The following UMODL1 variants were observed in gnomAD, a reference collection of about 807,000 sequenced individuals.
The protein encoded by UMODL1 is uromodulin-like 1.
UMODL1 carries 128 observed loss-of-function variants against 136.3 expected under a neutral mutation model. The observed-to-expected ratio is 0.94, with a 90% confidence interval of 0.81 to 1.09. The LOEUF is 1.09. UMODL1 is among the 50% of genes least tolerant of loss of function. The probability of loss-of-function intolerance (pLI) is 0.00; values close to 1 mark genes in which losing one functional copy is unlikely to be tolerated. For missense variants in UMODL1, 1,766 were observed against 1,725.6 expected (o/e 1.02, Z -0.41); for synonymous variants, 721 against 720.0 (o/e 1.00, Z -0.02).
intron 12 of UMODL1, among the ~76,000 whole-genome samples, chr21:42,113,352 G>A (rs925188503): frequency 6.6e-6 from 1 of 152,086 alleles, no homozygotes; most frequent in African/African-American, 2.4e-5. Flanking sequence ...AAAATCAGAA[G>A]CCATTTGCTA....
rs2066231965 is a variant in UMODL1 at position 42,071,534 on chromosome 21, A to G, written c.76+142A>G. The G allele has an allele frequency of 5.6e-6, 5 of 895,002 alleles. No homozygotes were observed. In the East Asian group the frequency reaches 1.7e-4, roughly 30 times the overall value. 55.4% of individuals were successfully genotyped at this position (895,002 alleles called of 1,614,324 possible). ...AGGCGACATCTGTTCTTTTGTGGAC[A>G]AGCTTTTTGGTAAGCGCACATGGTA... On this transcript the variant is annotated intron_variant, in intron 1 of 22. Coordinates refer to ENST00000408910, the MANE Select transcript of UMODL1 (RefSeq NM_001004416.3).
In UMODL1 at chr21:42,111,314, T is replaced by C. The variant is rs771698890; in HGVS notation, c.1900-192T>C. ...CCAGCGGAGCACCAGCCACGCGAACTCCAGCCAGGGGAGCCCCAGCCAGGG... is the reference window on the plus strand; with the variant it reads ...CCAGCGGAGCACCAGCCACGCGAACCCCAGCCAGGGGAGCCCCAGCCAGGG... On this transcript the variant is annotated intron_variant, in intron 11 of 22. Transcript: ENST00000408910. 64 of 1,319,228 alleles carry C rather than the reference T, an allele frequency of 4.9e-5. No individual in the cohort carries two copies. The African/African-American group carries it at 5.3e-4, about 11-fold the overall frequency. 81.7% of individuals were successfully genotyped at this position (1,319,228 alleles called of 1,614,324 possible). A position where few individuals can be genotyped will look rare whatever the true frequency, so the allele number is the denominator to read the frequency against.
rs145065130 is a variant in UMODL1, at chr21:42,128,757, C to T, written c.3690+926C>T. On this transcript the variant is annotated intron_variant, in intron 20 of 22. Coordinates refer to ENST00000408910, the MANE Select transcript of UMODL1 (RefSeq NM_001004416.3). The stretch of plus-strand genomic sequence containing the variant: ...CGCCAGGCTTCGTCTCTGCAGGGAG[C>T]GGCTGGCTCTCAAGTTCTCTACAAG... Among the ~76,000 whole-genome samples the T allele has an allele frequency of 4.6e-3, 694 of 152,308 alleles. 5 individuals carry two copies. Among genetic ancestry groups the T allele is most frequent in the East Asian group, 8.7e-3 (45 of 5,186 alleles).
In UMODL1 at chr21:42,099,008, G is replaced by T. The variant is rs1259531050; in HGVS notation, c.1014G>T (p.Gln338His). ...FQVSWRLNST[Q>H]NHTFHVRVYR... is the part of the protein sequence containing the mutation. ...TATCCTGGCGTTTAAATTCTACACA[G>T]AACCACACTTTCCATGTCCGGGTTT... Residue 338 changes from glutamine to histidine, a missense_variant, in exon 7 of 23, where the codon CAG (glutamine) becomes CAT (histidine). By Grantham distance (24) the Gln-to-His change is conservative. Transcript: ENST00000408910. The surrounding 1 kb of genome is among the most constrained non-coding windows in gnomAD (Gnocchi z 4.1). 1 of 1,614,074 alleles carries T rather than the reference G, an allele frequency of 6.2e-7. No homozygotes were observed. Among genetic ancestry groups the T allele is most frequent in the Admixed American group, 1.7e-5 (1 of 60,006 alleles).
intron 2 of UMODL1, 131 bp downstream of exon 2, chr21:42,076,378 C>T: frequency 2.8e-6 from 4 of 1,419,494 alleles, no homozygotes; most frequent in Non-Finnish European, 3.8e-6. Context: ...CAGCCTTGAC[C>T]AGGCAGCAGG....
At position 42,098,957 on chromosome 21, in the gene UMODL1, C is replaced by CAA; in HGVS notation, c.964_965dup (p.Asn322LysfsTer14). 1 of 1,614,226 alleles carries CAA rather than the reference C, an allele frequency of 6.2e-7. No homozygotes were observed. The highest frequency in any genetic ancestry group is 8.5e-7 in the Non-Finnish European group (1 of 1,180,036). On this transcript the variant is annotated frameshift_variant, in exon 7 of 23. Coordinates refer to ENST00000408910, the MANE Select transcript of UMODL1 (RefSeq NM_001004416.3). LOFTEE classifies it high-confidence loss of function. Reference sequence around the variant, plus strand: ...CTCCAGTCAGTGACTACGTGGTCCTCAACGTCACCAGTGACAGTTTTCAAG... The same window carrying CAA: ...CTCCAGTCAGTGACTACGTGGTCCTCAAAACGTCACCAGTGACAGTTTTCAAG...
In UMODL1 at chr21:42,104,078, C is replaced by T. The variant is rs764605590; in HGVS notation, c.1510C>T (p.Arg504Cys). The T allele has an allele frequency of 1.2e-5, 19 of 1,610,408 alleles. No individual in the cohort carries two copies. The highest frequency in any genetic ancestry group is 9.3e-5 in the African/African-American group (7 of 75,002). The stretch of plus-strand genomic sequence containing the variant: ...GTTCCAGATTGACCGGCAGGGGACA[C>T]GCGTGCAAGGTATGGCCCAGCCACC... ...TVFQIDRQGT[R>C]VQDWDECVDS... Residue 504 changes from arginine (R) to cysteine (C), a missense_variant, in exon 9 of 23, where the codon CGC becomes TGC. Coordinates refer to ENST00000408910, the MANE Select transcript of UMODL1 (RefSeq NM_001004416.3).
intron 6 of UMODL1, among the ~76,000 whole-genome samples, chr21:42,096,800 A>C (rs2066563599): frequency 6.6e-6 from 1 of 152,198 alleles, no homozygotes; most frequent in South Asian, 2.1e-4. Context: ...TCCTCCACCA[A>C]CGTGGATTAA....
chr21:42,131,836 TCTC>T (rs1262027761), intron 21 of UMODL1, among the ~76,000 whole-genome samples: 2 of 152,202 alleles, frequency 1.3e-5, no homozygotes, highest in African/African-American at 4.8e-5. Context: ...ACAACCTGCT[TCTC>T]CTCACTCTTC....
At chr21:42,077,050 TGTGTG>T in intron 2 of UMODL1, among the ~76,000 whole-genome samples, 1 of 137,970 alleles carries the variant, frequency 7.2e-6, no homozygotes, top group South Asian at 2.2e-4. Context: ...TGTGTGTGTG[TGTGTG>T]TGTGTGTGTG....
intron 21 of UMODL1, among the ~76,000 whole-genome samples, chr21:42,134,544 A>G (rs938953962): frequency 6.6e-6 from 1 of 152,196 alleles, no homozygotes; most frequent in Non-Finnish European, 1.5e-5. Context: ...CTGGAACTCA[A>G]ACCCCTGGAA....
At chr21:42,127,912 C>T in intron 20 of UMODL1, 81 bp downstream of exon 20, 3 of 1,591,814 alleles carry the variant, frequency 1.9e-6, no homozygotes, top group Middle Eastern at 1.7e-4. Flanking sequence ...TTAATAAAAA[C>T]CTAGGGCTCG....
chr21:42,068,122 C>T (rs565349788), upstream of UMODL1, among the ~76,000 whole-genome samples: 17 of 152,192 alleles, frequency 1.1e-4, no homozygotes, highest in African/African-American at 3.4e-4. This position sits in a 1 kb window ranked among gnomAD's most constrained non-coding sequence, Gnocchi z 5.5. Context: ...CGGATGTGGT[C>T]GTTCCAGCAG....
intron 22 of UMODL1, among the ~76,000 whole-genome samples, chr21:42,138,430 T>G (rs1477192984): frequency 6.6e-6 from 1 of 152,040 alleles, no homozygotes; most frequent in Non-Finnish European, 1.5e-5. Context: ...CTGAAGATGC[T>G]TCTCTGATCT....
At chr21:42,113,326 T>A (rs2066860872) in intron 12 of UMODL1, among the ~76,000 whole-genome samples, 1 of 150,974 alleles carries the variant, frequency 6.6e-6, no homozygotes, top group Admixed American at 6.6e-5. Flanking sequence ...ATATGAACCA[T>A]CTGCTGAAAC....
At chr21:42,111,268 C>T (rs1315549873) in intron 11 of UMODL1, 147 bp downstream of exon 11, 2 of 1,418,256 alleles carry the variant, frequency 1.4e-6, no homozygotes, top group Middle Eastern at 2.2e-4. Flanking sequence ...GCCAGGGGAG[C>T]CCCAGCCAGG....
In UMODL1 at chr21:42,137,446, T is replaced by G. The variant is rs780812979; in HGVS notation, c.3783T>G (p.Pro1261=). ...GCCTGTCTCCTCCCCGAGGTGAGCC[T>G]CCTCATGCAGAAGCAGGCCTGGGTG... ...WGPLIRSEGE[P]PHAEAGLGAG... Residue 1261 remains proline (P), a synonymous_variant, in exon 22 of 23, where the codon CCT becomes CCG. Transcript: ENST00000408910. The G allele has an allele frequency of 1.9e-6, 3 of 1,614,188 alleles. No homozygotes were observed. The highest frequency in any genetic ancestry group is 2.5e-6 in the Non-Finnish European group (3 of 1,180,020).
At chr21:42,075,241 TGGG>T in intron 1 of UMODL1, among the ~76,000 whole-genome samples, 1 of 143,024 alleles carries the variant, frequency 7.0e-6, no homozygotes, top group African/African-American at 2.6e-5. Context: ...TTGCTGGAGA[TGGG>T]GGGGGGGTTT....
chr21:42,137,939 C>A (rs576705826), intron 22 of UMODL1, among the ~76,000 whole-genome samples: 1 of 151,820 alleles, frequency 6.6e-6, no homozygotes, highest in East Asian at 1.9e-4. Flanking sequence ...GAGCGTGCAG[C>A]CTCCCTTCTG....
Sources: allele counts gnomAD v4.1 joint callset (sites outside exome capture counted in the v4.1 genomes callset), GRCh38; gene constraint gnomAD v4.1.1; non-coding constraint Gnocchi (gnomAD v3.1); transcripts MANE v1.5; gene names NCBI Gene and HGNC (gene_info 2026-07-23, HGNC 2026-07-21).